The following STX16 variants were observed in gnomAD, a reference collection of about 807,000 sequenced individuals.
STX16 encodes the protein syntaxin-16.
A neutral mutation model predicts 42.7 loss-of-function variants in STX16; 28 were observed. The observed-to-expected ratio is 0.66, with a 90% confidence interval of 0.49 to 0.90. STX16 has a LOEUF of 0.90. Ranked by LOEUF, STX16 falls within the 40% of genes least tolerant of loss-of-function variation. The pLI is 0.00. For missense variants in STX16, 361 were observed against 420.9 expected, an observed-to-expected ratio of 0.86 and a Z score of 1.24; for synonymous variants, 156 against 155.2, an observed-to-expected ratio of 1.00 and a Z score of -0.04.
chr20:58,660,083 G>A (rs1449494523), intron 2 of STX16, among the ~76,000 whole-genome samples: 6 of 152,190 alleles, frequency 3.9e-5, no homozygotes. Context: ...TGTCACTCCT[G>A]TCTGGAATGA....
At position 58,652,062 on chromosome 20, in the gene STX16, A is replaced by C; in HGVS notation, c.56A>C (p.Gln19Pro). 1.9e-6 allele frequency: 3 copies of C among 1,614,202 alleles called. No individual in the cohort carries two copies. Among genetic ancestry groups the C allele is most frequent in the Non-Finnish European group, 2.5e-6 (3 of 1,180,032 alleles). ...AFLLLRNNSIQNRQLLAEQVS... is the reference protein window; with the variant it reads ...AFLLLRNNSIPNRQLLAEQVS... ...TTGTTGTTGCGGAATAATTCCATCC[A>C]AAACCGGCAGCTGTTAGCCGAGCAA... The change falls in exon 1 of 9, where the codon CAA (glutamine) becomes CCA (proline). Residue 19 changes from glutamine (Q) to proline (P), a missense_variant. Physicochemically the swap from Gln to Pro is moderately conservative, Grantham distance 76. Coordinates refer to ENST00000371141, the MANE Select transcript of STX16 (RefSeq NM_001001433.3).
At chr20:58,655,477 C>T (rs1336893214) in intron 1 of STX16, among the ~76,000 whole-genome samples, 1 of 152,156 alleles carries the variant, frequency 6.6e-6, no homozygotes, top group East Asian at 1.9e-4. Context: ...GGAGGATACG[C>T]AGTGACCAGA....
In STX16 at chr20:58,659,612, T is replaced by C. The variant is rs771225187; in HGVS notation, c.133-11T>C. ...CTGGATGGGACTGATGGGGACAACA[T>C]GTCTCTTCAGGAGCTGGACGAGGTA... On this transcript the variant is annotated splice_polypyrimidine_tract_variant and intron_variant, in intron 1 of 8. Coordinates refer to ENST00000371141, the MANE Select transcript of STX16 (RefSeq NM_001001433.3). The C allele has an allele frequency of 1.2e-6, 2 of 1,612,944 alleles. No homozygotes were observed. The highest frequency in any genetic ancestry group is 1.7e-6 in the Non-Finnish European group (2 of 1,179,712).
At chr20:58,652,186 G>GCT in intron 1 of STX16, 48 bp downstream of exon 1, 1 of 1,609,702 alleles carries the variant, frequency 6.2e-7, no homozygotes, top group Non-Finnish European at 8.5e-7. Flanking sequence ...GTGCACTGCG[G>GCT]CTCTGCCTGT....
At chr20:58,655,915 A>T (rs2083575421) in intron 1 of STX16, among the ~76,000 whole-genome samples, 1 of 152,240 alleles carries the variant, frequency 6.6e-6, no homozygotes, top group South Asian at 2.1e-4. Context: ...GTAAAAAAAC[A>T]GACAGGTTTG....
rs148806792 is a variant in STX16 at position 58,658,697 on chromosome 20, CA to C, written c.133-918del. ...AATTATTTCAGTGATCAATACTGTACAAAAAAAAGACCTAGTTGTTTAGATT... is the reference window on the plus strand; with the variant it reads ...AATTATTTCAGTGATCAATACTGTACAAAAAAAGACCTAGTTGTTTAGATT... On this transcript the variant is annotated intron_variant, in intron 1 of 8. Transcript: ENST00000371141. Among the ~76,000 whole-genome samples the C allele has an allele frequency of 5.5e-4, 83 of 151,666 alleles. No individual in the cohort carries two copies. In the East Asian group the frequency reaches 0.015, roughly 28 times the overall value.
chr20:58,668,326 A>C (rs1193506659), intron 4 of STX16, among the ~76,000 whole-genome samples, 199 bp downstream of exon 4: 3 of 152,200 alleles, frequency 2.0e-5, no homozygotes, highest in Non-Finnish European at 4.4e-5. Flanking sequence ...ACTGTTTTTC[A>C]ATTGTTGGCA....
chr20:58,661,788 T>G (rs2083707544), intron 2 of STX16, among the ~76,000 whole-genome samples: 1 of 152,198 alleles, frequency 6.6e-6, no homozygotes, highest in African/African-American at 2.4e-5. Context: ...GGGCCTCACA[T>G]TGGCATCTCT....
intron 2 of STX16, among the ~76,000 whole-genome samples, chr20:58,660,318 T>C (rs16982218): frequency 0.1 from 15,196 of 152,264 alleles, 924 homozygotes; most frequent in African/African-American, 0.16. Context: ...TGTTTCAGCA[T>C]TGAAGGGGTA....
At position 58,677,923 on chromosome 20, in the gene STX16, GC is replaced by G. The variant is rs1293284191; in HGVS notation, c.*1635del. 1.3e-5 allele frequency: 2 copies of G among 152,318 alleles called. No individual in the cohort carries two copies. The highest frequency in any genetic ancestry group is 4.1e-4 in the South Asian group (2 of 4,820). 9.4% of individuals were successfully genotyped at this position (152,318 alleles called of 1,614,324 possible). A position where few individuals can be genotyped will look rare whatever the true frequency, so the allele number is the denominator to read the frequency against. ...TGTGGAATGATAAGGTCCTAGAGGG[GC>G]CCTGGCATTTCAGGAAGCGGACCTG... is the stretch of plus-strand genomic sequence containing the variant. On this transcript the variant is annotated 3_prime_UTR_variant, in exon 9 of 9. Coordinates refer to ENST00000371141, the MANE Select transcript of STX16 (RefSeq NM_001001433.3).
In STX16 at chr20:58,679,322, A is replaced by G. The variant is rs2084216072; in HGVS notation, c.*3031A>G. 1 of 152,644 alleles carries G rather than the reference A, an allele frequency of 6.6e-6. No individual in the cohort carries two copies. The highest frequency in any genetic ancestry group is 6.5e-5 in the Admixed American group (1 of 15,276). 9.5% of individuals were successfully genotyped at this position (152,644 alleles called of 1,614,324 possible). On this transcript the variant is annotated 3_prime_UTR_variant, in exon 9 of 9. Transcript: ENST00000371141. Reference sequence around the variant, plus strand: ...GTTTTATCCTAGCTAATGGCTTCTTAAAGGTAATAAAACCCTTCCAACGTA... The same window carrying G: ...GTTTTATCCTAGCTAATGGCTTCTTGAAGGTAATAAAACCCTTCCAACGTA...
rs2084204277 is a variant in STX16, at chr20:58,678,873, G to C, written c.*2582G>C. 1 of 152,222 alleles carries C rather than the reference G, an allele frequency of 6.6e-6. No individual in the cohort carries two copies. Among genetic ancestry groups the C allele is most frequent in the African/African-American group, 2.4e-5 (1 of 41,428 alleles). The allele number at this position is 152,222 out of a possible 1,614,324, so 9.4% of individuals were successfully genotyped here. A position where few individuals can be genotyped will look rare whatever the true frequency, so the allele number is the denominator to read the frequency against. Reference sequence around the variant, plus strand: ...TTACTCGCTGGCAGCCATTGTCTGTGGGCACCTCATGTTTTTCCACACTCT... The same window carrying C: ...TTACTCGCTGGCAGCCATTGTCTGTCGGCACCTCATGTTTTTCCACACTCT... On this transcript the variant is annotated 3_prime_UTR_variant, in exon 9 of 9. Coordinates refer to ENST00000371141, the MANE Select transcript of STX16 (RefSeq NM_001001433.3).
intron 2 of STX16, among the ~76,000 whole-genome samples, chr20:58,666,433 T>G (rs1024838875): frequency 6.7e-6 from 1 of 148,638 alleles, no homozygotes; most frequent in African/African-American, 2.5e-5. Flanking sequence ...GTTTTTTTTT[T>G]TTTTTTTTTT....
In STX16 at chr20:58,679,270, A is replaced by G. The variant is rs937594877; in HGVS notation, c.*2979A>G. 3.3e-5 allele frequency: 5 copies of G among 152,570 alleles called. No individual in the cohort carries two copies. Among genetic ancestry groups the G allele is most frequent in the Non-Finnish European group, 4.4e-5 (3 of 68,020 alleles). The allele number at this position is 152,570 out of a possible 1,614,324, so 9.5% of individuals were successfully genotyped here. A position where few individuals can be genotyped will look rare whatever the true frequency, so the allele number is the denominator to read the frequency against. On this transcript the variant is annotated 3_prime_UTR_variant, in exon 9 of 9. Transcript: ENST00000371141. The stretch of plus-strand genomic sequence containing the variant: ...TGAGAGAGCGTTATTTACATTATTT[A>G]TTTGTTTTGACACAAGTGCTTTCAG...
chr20:58,661,756 A>C (rs1304122155), intron 2 of STX16, among the ~76,000 whole-genome samples: 1 of 152,200 alleles, frequency 6.6e-6, no homozygotes, highest in Non-Finnish European at 1.5e-5. Context: ...CAGTGTCCAG[A>C]GGCTTCTTTG....
At chr20:58,672,740 T>A (rs2084010097) in intron 7 of STX16, among the ~76,000 whole-genome samples, 1 of 152,222 alleles carries the variant, frequency 6.6e-6, no homozygotes, top group Non-Finnish European at 1.5e-5. Context: ...TCAGCAATGA[T>A]TCTGACGCTA....
At position 58,676,268 on chromosome 20, in the gene STX16, C is replaced by T. The variant is rs2084121534; in HGVS notation, c.955C>T (p.Leu319Phe). The T allele has an allele frequency of 5.6e-6, 9 of 1,614,030 alleles. No individual in the cohort carries two copies. Among genetic ancestry groups the T allele is most frequent in the African/African-American group, 1.3e-5 (1 of 74,920 alleles). ...CATCATCATTGTGCTCATTGTTGTCCTCGTTGGCGTGAAGTCTCGATAAGT... is the reference window on the plus strand; with the variant it reads ...CATCATCATTGTGCTCATTGTTGTCTTCGTTGGCGTGAAGTCTCGATAAGT... ...FVIIIVLIVV[L>F]VGVKSR Residue 319 changes from leucine to phenylalanine, a missense_variant, in exon 9 of 9, where the codon CTC (leucine) becomes TTC (phenylalanine). Transcript: ENST00000371141.
At chr20:58,660,431 A>G (rs1161160165) in intron 2 of STX16, among the ~76,000 whole-genome samples, 11 of 152,304 alleles carry the variant, frequency 7.2e-5, no homozygotes, top group African/African-American at 2.4e-4. Flanking sequence ...AAGTAGGATT[A>G]GGAGGATCAC....
rs1355206754 is a variant in STX16 at position 58,676,227 on chromosome 20, T to G, written c.914T>G (p.Ile305Ser). ...AAGAAGAATCGGAAGATGCTTGTGA[T>G]TTTAATATTATTTGTCATCATCATT... ...YQKKNRKMLV[I>S]LILFVIIIVL... The change falls in exon 9 of 9, where the codon ATT becomes AGT. Residue 305 changes from isoleucine to serine, a missense_variant. Physicochemically the swap from Ile to Ser is moderately radical, Grantham distance 142. Coordinates refer to ENST00000371141, the MANE Select transcript of STX16 (RefSeq NM_001001433.3). The G allele has an allele frequency of 6.8e-6, 11 of 1,614,230 alleles. No homozygotes were observed. The highest frequency in any genetic ancestry group is 9.3e-6 in the Non-Finnish European group (11 of 1,180,038).
Sources: allele counts gnomAD v4.1 joint callset (sites outside exome capture counted in the v4.1 genomes callset), GRCh38; gene constraint gnomAD v4.1.1; transcripts MANE v1.5; gene names NCBI Gene and HGNC (gene_info 2026-07-23, HGNC 2026-07-21).